PDE8B: variants seen among roughly 807,000 people sequenced by gnomAD.
The protein encoded by PDE8B is phosphodiesterase 8B.
In PDE8B, 26 loss-of-function variants were observed where a neutral mutation model predicts 101.3. The ratio of observed to expected loss-of-function variants is 0.26; its 90% CI spans 0.19 to 0.36. The LOEUF is 0.36. PDE8B is among the 10% of genes least tolerant of loss of function. PDE8B has a pLI of 1.00. For missense variants in PDE8B, 810 were observed against 1,163.1 expected (o/e 0.70, Z 4.42); for synonymous variants, 424 against 429.3 (o/e 0.99, Z 0.15).
Position 77,426,519 on chromosome 5 carries a change from A to C in PDE8B, c.2623A>C (p.Lys875Gln). 3 of 1,613,238 alleles carry C rather than the reference A, an allele frequency of 1.9e-6. No individual in the cohort carries two copies. Among genetic ancestry groups the C allele is most frequent in the Non-Finnish European group, 2.5e-6 (3 of 1,179,202 alleles). Residue 875 changes from lysine (K) to glutamine (Q), a missense_variant, in exon 22 of 22, where the codon AAG becomes CAG. Lys to Gln is a moderately conservative substitution (Grantham distance 53). Around this residue, in one of 4 missense-constraint regions of PDE8B, gnomAD observed 325 missense variants for 560.9 expected, o/e 0.58. Coordinates refer to ENST00000264917, the MANE Select transcript of PDE8B (RefSeq NM_003719.5). ...ACACTGGAAGACACTAGATGACCTAAAGTGCAAAAGTTTGAGGCTTCCATC... is the reference window on the plus strand; with the variant it reads ...ACACTGGAAGACACTAGATGACCTACAGTGCAAAAGTTTGAGGCTTCCATC... ...YKHWKTLDDL[K>Q]CKSLRLPSDS
At chr5:77,218,913 A>G (rs551775399) in intron 1 of PDE8B, among the ~76,000 whole-genome samples, 1 of 152,344 alleles carries the variant, frequency 6.6e-6, no homozygotes, top group South Asian at 2.1e-4. Context: ...TTTCAAGTAC[A>G]TTGATTTGGC....
At chr5:77,176,759 T>C in the PDE8B span, among the ~76,000 whole-genome samples, 1 of 152,166 alleles carries the variant, frequency 6.6e-6, no homozygotes, top group African/African-American at 2.4e-5. Flanking sequence ...TGGAGAGTTG[T>C]TAGTAGCATG....
chr5:77,116,789 C>T, the PDE8B span, among the ~76,000 whole-genome samples: 27 of 152,262 alleles, frequency 1.8e-4, no homozygotes, highest in African/African-American at 6.3e-4. Context: ...TAAACAAGGT[C>T]ACATGCAAAC....
At chr5:77,102,001 A>T in the PDE8B span, among the ~76,000 whole-genome samples, 2 of 152,192 alleles carry the variant, frequency 1.3e-5, no homozygotes, top group African/African-American at 4.8e-5. Flanking sequence ...TTGTCCACCT[A>T]AAAAGGTAAA....
chr5:77,333,130 G>A (rs1283558191), intron 5 of PDE8B, among the ~76,000 whole-genome samples: 2 of 152,126 alleles, frequency 1.3e-5, no homozygotes, highest in Admixed American at 6.6e-5. Flanking sequence ...CACGATGCGT[G>A]ATAGAAATGA....
chr5:77,165,485 C>A, the PDE8B span: 1 of 152,198 alleles, frequency 6.6e-6, no homozygotes, highest in Non-Finnish European at 1.5e-5. Flanking sequence ...CCTATGTCAT[C>A]CTTTCCCCTG....
At chr5:77,319,444 C>T (rs1183816868) in intron 2 of PDE8B, among the ~76,000 whole-genome samples, 2 of 151,962 alleles carry the variant, frequency 1.3e-5, no homozygotes, top group Admixed American at 1.3e-4. Flanking sequence ...CGTGATAAAC[C>T]CAAATGACAT....
At chr5:77,139,285 T>TA in the PDE8B span, 1 of 152,306 alleles carries the variant, frequency 6.6e-6, no homozygotes, top group Non-Finnish European at 1.5e-5. Context: ...GGCCGTGGCC[T>TA]GCTGACTGCA....
At chr5:77,252,119 G>A (rs1022154787) in intron 1 of PDE8B, among the ~76,000 whole-genome samples, 1 of 152,180 alleles carries the variant, frequency 6.6e-6, no homozygotes, top group African/African-American at 2.4e-5. Flanking sequence ...GACTTATTCT[G>A]AGTGCAAGGC....
intron 12 of PDE8B, among the ~76,000 whole-genome samples, chr5:77,405,872 G>T (rs1323265505): frequency 2.0e-5 from 3 of 152,148 alleles, no homozygotes; most frequent in Non-Finnish European, 4.4e-5. Flanking sequence ...TGTGAGGAGG[G>T]GATGGTTAGT....
intron 1 of PDE8B, among the ~76,000 whole-genome samples, chr5:77,299,166 T>G (rs1241867657): frequency 6.6e-6 from 1 of 152,192 alleles, no homozygotes; most frequent in East Asian, 1.9e-4. Flanking sequence ...TAAACAGGAT[T>G]CCAGGAGAGT....
intron 10 of PDE8B, among the ~76,000 whole-genome samples, chr5:77,385,088 G>C (rs922131606): frequency 6.6e-5 from 10 of 152,156 alleles, no homozygotes; most frequent in African/African-American, 2.4e-4. Flanking sequence ...ATTTGACTGT[G>C]AATCCTTCTG....
intron 18 of PDE8B, among the ~76,000 whole-genome samples, chr5:77,418,800 G>T (rs540159125): frequency 6.6e-6 from 1 of 151,980 alleles, no homozygotes; most frequent in Non-Finnish European, 1.5e-5. Context: ...CTCAATTTCC[G>T]GCCGCTTAAA....
At chr5:77,293,751 CA>C (rs1345748928) in intron 1 of PDE8B, among the ~76,000 whole-genome samples, 1 of 152,136 alleles carries the variant, frequency 6.6e-6, no homozygotes, top group Non-Finnish European at 1.5e-5. Flanking sequence ...GCATGCTTGC[CA>C]GCAATTAACA....
chr5:77,096,564 C>A, the PDE8B span, among the ~76,000 whole-genome samples: 2 of 152,138 alleles, frequency 1.3e-5, no homozygotes, highest in Non-Finnish European at 2.9e-5. Context: ...CTTCATCAAG[C>A]CCTTTATAAT....
the PDE8B span, among the ~76,000 whole-genome samples, chr5:77,121,055 C>T: frequency 6.6e-6 from 1 of 152,204 alleles, no homozygotes; most frequent in Non-Finnish European, 1.5e-5. Context: ...CTCATTGCTG[C>T]TTAACAGATT....
chr5:77,087,169 A>T, the PDE8B span: 1 of 152,356 alleles, frequency 6.6e-6, no homozygotes, highest in Non-Finnish European at 1.5e-5. Context: ...GAGATGGTAG[A>T]TCCCCCTCCA....
chr5:77,419,534 T>C lies in PDE8B; in HGVS notation c.2130-233T>C, dbSNP rs562669586. 1.5e-3 allele frequency among the ~76,000 whole-genome samples: 233 copies of C among 152,346 alleles called. 3 individuals are homozygous for C. The highest frequency in any genetic ancestry group is 5.5e-3 in the African/African-American group (229 of 41,576). On this transcript the variant is annotated intron_variant, in intron 18 of 21. Coordinates refer to ENST00000264917, the MANE Select transcript of PDE8B (RefSeq NM_003719.5). ...CACCATGTGACAGGTACCTTCTCTC[T>C]TTTTTAAAATACTCATAAATCACAT... is the stretch of plus-strand genomic sequence containing the variant.
intron 10 of PDE8B, among the ~76,000 whole-genome samples, chr5:77,381,173 G>A (rs1376500372): frequency 2.0e-5 from 3 of 152,216 alleles, no homozygotes; most frequent in African/African-American, 7.2e-5. Context: ...GGATGTGGGA[G>A]TTTTAAACAG....
Sources: allele counts gnomAD v4.1 joint callset (sites outside exome capture counted in the v4.1 genomes callset), GRCh38; gene constraint gnomAD v4.1.1; regional missense constraint gnomAD v4.1.1; transcripts MANE v1.5; gene names NCBI Gene and HGNC (gene_info 2026-07-23, HGNC 2026-07-21).